ESRRG: variants seen among roughly 807,000 people sequenced by gnomAD.
ESRRG encodes the protein estrogen related receptor gamma, also known as estrogen-related receptor gamma.
In ESRRG, 13 loss-of-function variants were observed where a neutral mutation model predicts 44.0. The observed-to-expected ratio is 0.30, with a 90% CI of 0.19 to 0.47. The LOEUF (loss-of-function observed/expected upper bound fraction) is 0.47, where lower values mean the gene tolerates loss of function less well. Among genes scored for constraint, ESRRG ranks in the 20% least tolerant of loss-of-function variants. The pLI is 1.00. For synonymous variants in ESRRG, 215 were observed against 214.6 expected (o/e 1.00, Z -0.02); for missense variants, 395 against 580.6 (o/e 0.68, Z 3.29).
chr1:216,640,885 C>A (rs892708869), intron 3 of ESRRG, among the ~76,000 whole-genome samples: 1 of 152,110 alleles, frequency 6.6e-6, no homozygotes, highest in South Asian at 2.1e-4. Context: ...TAAACAGAGT[C>A]CTATATGGTT....
At chr1:216,941,142 T>C (rs1181623023) in intron 1 of ESRRG, among the ~76,000 whole-genome samples, 1 of 152,096 alleles carries the variant, frequency 6.6e-6, no homozygotes, top group Admixed American at 6.6e-5. Flanking sequence ...TCTAGGATTG[T>C]GAAGATAAGA....
At chr1:216,981,700 AACAC>A (rs10535630) in intron 1 of ESRRG, among the ~76,000 whole-genome samples, 3,983 of 151,258 alleles carry the variant, frequency 0.026, 169 homozygotes, top group African/African-American at 0.091. Flanking sequence ...TAAAGAGTTA[AACAC>A]ACACACACAC....
chr1:216,630,941 G>GTGT (rs2150689870), intron 3 of ESRRG, among the ~76,000 whole-genome samples: 1 of 152,206 alleles, frequency 6.6e-6, no homozygotes, highest in South Asian at 2.1e-4. Flanking sequence ...TGTCAGTGTT[G>GTGT]TGTTGCATTT....
At chr1:216,626,221 A>G (rs2063162662) in intron 3 of ESRRG, among the ~76,000 whole-genome samples, 1 of 152,088 alleles carries the variant, frequency 6.6e-6, no homozygotes, top group East Asian at 1.9e-4. Context: ...TCCATTCTTG[A>G]GTTTCTGCAA....
intron 2 of ESRRG, among the ~76,000 whole-genome samples, chr1:216,796,267 A>G (rs1471529642): frequency 6.6e-6 from 1 of 152,128 alleles, no homozygotes; most frequent in African/African-American, 2.4e-5. Context: ...CCCTTACCCC[A>G]CTTCCCCACT....
In ESRRG at chr1:216,677,272, T is replaced by C; in HGVS notation, c.276A>G (p.Gly92=). Residue 92 remains glycine (G), a synonymous_variant, in exon 2 of 7, where the codon GGA becomes GGG. Transcript: ENST00000408911. The stretch of plus-strand genomic sequence containing the variant: ...ACAGTTTCCTGACAGGCCCACTACC[T>C]CCCAGGATAGGAGCAGAAGGGTAGA... The part of the protein sequence containing the change: ...PPLYPSAPIL[G]GSGPVRKLYD... 6.2e-7 allele frequency: 1 copy of C among 1,614,084 alleles called. No individual in the cohort carries two copies. Among genetic ancestry groups the C allele is most frequent in the Non-Finnish European group, 8.5e-7 (1 of 1,180,012 alleles).
intron 3 of ESRRG, among the ~76,000 whole-genome samples, chr1:216,591,830 C>T (rs936451504): frequency 1.1e-4 from 17 of 152,088 alleles, no homozygotes; most frequent in South Asian, 2.1e-4. Context: ...GGGAATCCAT[C>T]GGTCTACCTT....
At chr1:216,812,530 C>T (rs2095007199) in intron 2 of ESRRG, among the ~76,000 whole-genome samples, 2 of 152,116 alleles carry the variant, frequency 1.3e-5, no homozygotes, top group Non-Finnish European at 2.9e-5. Context: ...ACATAGCACT[C>T]ATAGATGCTA....
upstream of ESRRG, among the ~76,000 whole-genome samples, chr1:217,092,884 C>T (rs1014749145): frequency 6.6e-6 from 1 of 152,110 alleles, no homozygotes; most frequent in Non-Finnish European, 1.5e-5. Flanking sequence ...AAAGTGTTAT[C>T]CTTTCAGCTG....
chr1:216,951,415 G>A (rs1003448608), intron 1 of ESRRG, among the ~76,000 whole-genome samples: 1 of 152,166 alleles, frequency 6.6e-6, no homozygotes, highest in Non-Finnish European at 1.5e-5. Context: ...GCAGAAGGCA[G>A]TGATATATAT....
At chr1:216,542,799 G>A (rs562762272) in intron 5 of ESRRG, among the ~76,000 whole-genome samples, 4 of 152,000 alleles carry the variant, frequency 2.6e-5, no homozygotes, top group South Asian at 2.1e-4. Context: ...TCCACACTTT[G>A]CATGGACAAT....
intron 1 of ESRRG, among the ~76,000 whole-genome samples, chr1:217,026,910 CACAGAGAGAG>C (rs1284048826): frequency 1.6e-4 from 16 of 97,256 alleles, no homozygotes; most frequent in African/African-American, 2.4e-4. Flanking sequence ...CACACACACA[CACAGAGAGAG>C]AGAGAGAGAG....
In ESRRG at chr1:216,739,957, T is replaced by G. The variant is rs142607905; in HGVS notation, c.-13-62466A>C. Among the ~76,000 whole-genome samples the G allele has an allele frequency of 6.6e-5, 10 of 152,286 alleles. No homozygotes were observed. The East Asian group carries it at 1.9e-3, about 29-fold the overall frequency. ...ATTCCTCACTCTGTTCCCTGCAGAT[T>G]GTCTTGTAAATGTGGCCAGAGACAC... On this transcript the variant is annotated intron_variant, in intron 2 of 7. Transcript: ENST00000359162.
rs149190752 is a variant in ESRRG at position 217,133,647 on chromosome 1, CTTTCTTTCTT to C, written c.-230+4010_-230+4019del. 5.2e-3 allele frequency among the ~76,000 whole-genome samples: 296 copies of C among 57,036 alleles called. 1 individual carries two copies. Among genetic ancestry groups the C allele is most frequent in the African/African-American group, 0.02 (208 of 10,218 alleles). 37.4% of individuals were successfully genotyped at this position (57,036 alleles called of 152,430 possible). On this transcript the variant is annotated intron_variant, in intron 1 of 8. Transcript: ENST00000366940. ...TTTCTTTCTTTCTCTCTCTCTCTCT[CTTTCTTTCTT>C]TCTTTCTTTCTTTCTTTCTTTCTTT...
At chr1:216,877,659 C>T (rs1559957088) in intron 2 of ESRRG, among the ~76,000 whole-genome samples, 1 of 152,106 alleles carries the variant, frequency 6.6e-6, no homozygotes, top group Non-Finnish European at 1.5e-5. Flanking sequence ...CTGCCTCAGC[C>T]TCCCAAAGTG....
At chr1:216,623,151 C>T (rs2062581878) in intron 3 of ESRRG, among the ~76,000 whole-genome samples, 1 of 130,470 alleles carries the variant, frequency 7.7e-6, no homozygotes, top group Non-Finnish European at 1.5e-5. Flanking sequence ...GCCGCGATCT[C>T]GGCTCACTGC....
chr1:216,707,157 C>A (rs992027170), intron 1 of ESRRG, among the ~76,000 whole-genome samples: 3 of 152,146 alleles, frequency 2.0e-5, no homozygotes, highest in Admixed American at 6.5e-5. Flanking sequence ...CAACATAAAC[C>A]TTCTAGAGTT....
At chr1:216,824,216 G>A (rs2095351457) in intron 2 of ESRRG, among the ~76,000 whole-genome samples, 1 of 152,134 alleles carries the variant, frequency 6.6e-6, no homozygotes, top group Non-Finnish European at 1.5e-5. Context: ...AGAGGCCGAG[G>A]CAGGCAGATC....
chr1:216,664,577 C>T (rs2073386858), intron 2 of ESRRG, among the ~76,000 whole-genome samples: 1 of 150,370 alleles, frequency 6.7e-6, no homozygotes, highest in South Asian at 2.1e-4. Context: ...TATGGATAAG[C>T]CTAAGGTGAT....
Sources: allele counts gnomAD v4.1 joint callset (sites outside exome capture counted in the v4.1 genomes callset), GRCh38; gene constraint gnomAD v4.1.1; transcripts MANE v1.5; gene names NCBI Gene and HGNC (gene_info 2026-07-23, HGNC 2026-07-21).